DYM: variants seen among roughly 807,000 people sequenced by gnomAD.
DYM encodes the protein dymeclin.
Under a neutral mutation model 93.1 loss-of-function variants are expected in DYM, and 78 were observed. The observed-to-expected ratio is 0.84, with a 90% confidence interval of 0.70 to 1.01. DYM has a LOEUF of 1.01. Among genes scored for constraint, DYM ranks in the 50% least tolerant of loss-of-function variants. DYM has a pLI of 0.00. For missense variants in DYM, 789 were observed against 845.0 expected, an observed-to-expected ratio of 0.93 and a Z score of 0.82; for synonymous variants, 321 against 319.7, an observed-to-expected ratio of 1.00 and a Z score of -0.04.
chr18:49,118,501 A>T (rs1450143864), intron 16 of DYM, among the ~76,000 whole-genome samples: 3 of 152,194 alleles, frequency 2.0e-5, no homozygotes, highest in Non-Finnish European at 2.9e-5. Flanking sequence ...GTCTAAGTGT[A>T]AAGTAAAAAA....
chr18:49,113,899 G>C (rs1811617344), intron 16 of DYM, among the ~76,000 whole-genome samples: 1 of 152,154 alleles, frequency 6.6e-6, no homozygotes. Context: ...TGGAAAACCT[G>C]CTCATTTGGA....
chr18:49,320,007 C>T (rs2062339962), intron 8 of DYM, among the ~76,000 whole-genome samples: 2 of 152,164 alleles, frequency 1.3e-5, no homozygotes, highest in Non-Finnish European at 2.9e-5. Context: ...AAATGAAGAG[C>T]CATGTGCCAT....
chr18:49,444,766 A>T (rs1410921235), intron 1 of DYM, among the ~76,000 whole-genome samples: 3 of 152,242 alleles, frequency 2.0e-5, no homozygotes, highest in Non-Finnish European at 4.4e-5. Context: ...AACGTTAAGT[A>T]TCAAGAAAAG....
chr18:49,221,630 A>T (rs1274389518), intron 13 of DYM, among the ~76,000 whole-genome samples: 1 of 152,214 alleles, frequency 6.6e-6, no homozygotes, highest in Non-Finnish European at 1.5e-5. Context: ...ACTGGAAATC[A>T]TCATTCTCAG....
intron 14 of DYM, among the ~76,000 whole-genome samples, chr18:49,177,764 A>C (rs1221140449): frequency 6.6e-6 from 1 of 152,098 alleles, no homozygotes; most frequent in Non-Finnish European, 1.5e-5. Flanking sequence ...ATGTGAATAC[A>C]AGTTCAAGGG....
chr18:49,039,085 T>A lies in DYM; in HGVS notation c.*4970A>T, dbSNP rs530620992. On this transcript the variant is annotated 3_prime_UTR_variant, in exon 18 of 18. Coordinates refer to ENST00000675505, the MANE Select transcript of DYM (RefSeq NM_001353214.3). ...CTGCCTGTAAAACACCTTTTAAATT[T>A]TCCTTTAGGGTAGGCGTGCTGATTA... 6.6e-6 allele frequency among the ~76,000 whole-genome samples: 1 copy of A among 152,354 alleles called. No homozygotes were observed. Among genetic ancestry groups the A allele is most frequent in the East Asian group, 1.9e-4 (1 of 5,196 alleles).
intron 13 of DYM, among the ~76,000 whole-genome samples, chr18:49,224,687 C>T (rs1469878958): frequency 2.0e-5 from 3 of 151,996 alleles, no homozygotes; most frequent in Non-Finnish European, 4.4e-5. Context: ...GTAAGCAGGT[C>T]CTCACTAGAC....
intron 1 of DYM, among the ~76,000 whole-genome samples, chr18:49,433,490 G>C (rs753095286): frequency 2.0e-5 from 3 of 152,266 alleles, no homozygotes; most frequent in Admixed American, 1.3e-4. Context: ...GGTGGTCTAC[G>C]AGTGCTAAAC....
At chr18:49,400,981 T>C (rs2070748025) in intron 2 of DYM, among the ~76,000 whole-genome samples, 1 of 152,110 alleles carries the variant, frequency 6.6e-6, no homozygotes. Flanking sequence ...ACTGTAAAAA[T>C]ATGCCAGTGT....
chr18:49,073,403 T>C (rs1050859243), intron 17 of DYM, among the ~76,000 whole-genome samples: 16 of 152,320 alleles, frequency 1.1e-4, no homozygotes, highest in African/African-American at 2.6e-4. Context: ...TTAAAAAATA[T>C]GTAATTTTGG....
intron 17 of DYM, among the ~76,000 whole-genome samples, chr18:49,083,261 A>C (rs978630806): frequency 6.6e-6 from 1 of 152,192 alleles, no homozygotes; most frequent in Non-Finnish European, 1.5e-5. Context: ...GTCTATTAAA[A>C]TGATCATGTG....
At chr18:49,251,674 T>C (rs1568105259) in intron 13 of DYM, among the ~76,000 whole-genome samples, 1 of 152,158 alleles carries the variant, frequency 6.6e-6, no homozygotes, top group East Asian at 1.9e-4. Flanking sequence ...TCCTTTGAGA[T>C]AGCAGCTGCT....
intron 13 of DYM, among the ~76,000 whole-genome samples, chr18:49,239,449 C>T (rs2093961256): frequency 6.6e-6 from 1 of 152,222 alleles, no homozygotes; most frequent in South Asian, 2.1e-4. Flanking sequence ...TCTCCCAGCA[C>T]TTATGCCCTT....
chr18:49,371,470 A>AAATAAT (rs919602642), intron 5 of DYM, among the ~76,000 whole-genome samples: 1 of 152,122 alleles, frequency 6.6e-6, no homozygotes, highest in East Asian at 1.9e-4. Context: ...CTCTGTCTCA[A>AAATAAT]AATAATAATA....
intron 15 of DYM, among the ~76,000 whole-genome samples, chr18:49,150,368 G>C (rs1215199820): frequency 1.3e-5 from 2 of 152,164 alleles, no homozygotes; most frequent in East Asian, 3.8e-4. Context: ...GAGGAGATTA[G>C]GTGATAAGGG....
At chr18:49,118,242 A>C (rs1336752623) in intron 16 of DYM, among the ~76,000 whole-genome samples, 1 of 152,070 alleles carries the variant, frequency 6.6e-6, no homozygotes, top group Admixed American at 6.5e-5. Flanking sequence ...TTGAAAATAA[A>C]GATATCTTTT....
At chr18:49,113,625 TAC>T (rs1371222620) in intron 16 of DYM, among the ~76,000 whole-genome samples, 2 of 152,166 alleles carry the variant, frequency 1.3e-5, no homozygotes, top group East Asian at 1.9e-4. Flanking sequence ...TTTTTTCTTC[TAC>T]AGTCTTTCAC....
At chr18:49,098,649 CA>C (rs1346329812) in intron 16 of DYM, among the ~76,000 whole-genome samples, 3 of 152,208 alleles carry the variant, frequency 2.0e-5, no homozygotes, top group Non-Finnish European at 4.4e-5. Flanking sequence ...TTGCTGGCAC[CA>C]CCAGCTACTT....
intron 17 of DYM, among the ~76,000 whole-genome samples, chr18:49,052,111 A>G (rs1259386272): frequency 6.6e-6 from 1 of 152,240 alleles, no homozygotes; most frequent in African/African-American, 2.4e-5. Flanking sequence ...TACACAGAGT[A>G]AACACCTGGA....
Sources: gnomAD v4.1 joint callset for allele counts (sites outside exome capture counted in the v4.1 genomes callset) on GRCh38, gnomAD v4.1.1 for gene constraint, MANE v1.5 for transcripts, NCBI Gene and HGNC (gene_info 2026-07-23, HGNC 2026-07-21) for gene names.